The following NLN variants were observed in gnomAD, a reference collection of about 807,000 sequenced individuals.
The protein encoded by NLN is neurolysin, mitochondrial.
Under a neutral mutation model 79.9 loss-of-function variants are expected in NLN, and 64 were observed. That is an observed-to-expected ratio of 0.80 (90% CI 0.65 to 0.99). NLN has a LOEUF of 0.99. NLN is among the 50% of genes least tolerant of loss of function. The probability of loss-of-function intolerance (pLI) is 0.00; values close to 1 mark genes in which losing one functional copy is unlikely to be tolerated. For synonymous variants in NLN, 267 were observed against 296.6 expected (o/e 0.90, Z 1.02); for missense variants, 835 against 858.7 (o/e 0.97, Z 0.34).
rs1760840675 is a variant in NLN at position 65,823,271 on chromosome 5, C to G, written c.*356C>G. The G allele has an allele frequency of 6.1e-6, 1 of 164,358 alleles. No homozygotes were observed. The highest frequency in any genetic ancestry group is 6.1e-5 in the Admixed American group (1 of 16,428). 10.2% of individuals were successfully genotyped at this position (164,358 alleles called of 1,614,324 possible). On this transcript the variant is annotated 3_prime_UTR_variant, in exon 13 of 13. Coordinates refer to ENST00000380985, the MANE Select transcript of NLN (RefSeq NM_020726.5). ...ATCATATATATGATATAATTTGATC[C>G]TTCTTGTATCTTGAAGTTTTGTACT...
At chr5:65,773,186 CA>C (rs1486496603) in intron 3 of NLN, among the ~76,000 whole-genome samples, 1 of 136,216 alleles carries the variant, frequency 7.3e-6, no homozygotes, top group Non-Finnish European at 1.5e-5. Flanking sequence ...GGCTGGAGTG[CA>C]GTAGCTCAAT....
intron 9 of NLN, among the ~76,000 whole-genome samples, chr5:65,798,312 A>AC (rs1199318289): frequency 6.6e-6 from 1 of 152,208 alleles, no homozygotes; most frequent in African/African-American, 2.4e-5. Flanking sequence ...AATAGTCATG[A>AC]CCTAACTGCT....
chr5:65,726,107 G>A (rs1281107646), intron 1 of NLN, among the ~76,000 whole-genome samples: 8 of 103,790 alleles, frequency 7.7e-5, no homozygotes, highest in East Asian at 2.7e-4. Context: ...GCGAGACTCC[G>A]TCTCAAAAAA....
chr5:65,760,123 C>G (rs918809963), intron 2 of NLN, among the ~76,000 whole-genome samples: 3 of 152,168 alleles, frequency 2.0e-5, no homozygotes, highest in Admixed American at 6.5e-5. Flanking sequence ...CCCTAGTGAC[C>G]TGGTCATCTC....
intron 12 of NLN, among the ~76,000 whole-genome samples, 179 bp downstream of exon 12, chr5:65,812,570 TTAATTC>T (rs1479928358): frequency 6.6e-6 from 1 of 152,202 alleles, no homozygotes; most frequent in African/African-American, 2.4e-5. Context: ...ATACAAGTGA[TTAATTC>T]TATAGTTTAA....
At chr5:65,753,717 C>T (rs989122451) in intron 1 of NLN, among the ~76,000 whole-genome samples, 3 of 151,036 alleles carry the variant, frequency 2.0e-5, no homozygotes, top group African/African-American at 7.3e-5. Flanking sequence ...TTGGTTTATA[C>T]TAAGAGGAGT....
intron 1 of NLN, among the ~76,000 whole-genome samples, 183 bp from the exon 2 acceptor site, chr5:65,758,384 G>T (rs971379944): frequency 1.3e-5 from 2 of 152,118 alleles, no homozygotes; most frequent in Non-Finnish European, 2.9e-5. Flanking sequence ...ATGTAATTAT[G>T]CAAGAAAAAT....
chr5:65,780,240 A>G lies in NLN; in HGVS notation c.620A>G (p.Asn207Ser). 4 of 1,487,368 alleles carry G rather than the reference A, an allele frequency of 2.7e-6. No homozygotes were observed. The highest frequency in any genetic ancestry group is 3.7e-6 in the Non-Finnish European group (4 of 1,074,236). The allele number at this position is 1,487,368 out of a possible 1,614,324, so 92.1% of individuals were successfully genotyped here. The change falls in exon 5 of 13, where the codon AAT becomes AGT. Residue 207 changes from asparagine (N) to serine (S), a missense_variant. Coordinates refer to ENST00000380985, the MANE Select transcript of NLN (RefSeq NM_020726.5). The part of the protein sequence containing the change: ...ELCIDFNKNL[N>S]EDDTFLVFSK... Reference sequence around the variant, plus strand: ...TGTATTGATTTTAACAAAAACCTCAATGAGGATGATACCTTCCTTGTATTT... The same window carrying G: ...TGTATTGATTTTAACAAAAACCTCAGTGAGGATGATACCTTCCTTGTATTT...
rs538575891 is a variant in NLN, at chr5:65,801,977, A to T, written c.1528-7538A>T. On this transcript the variant is annotated intron_variant, in intron 9 of 12. Transcript: ENST00000380985. ...AAGTCTGTATTTTTGTCAGTATATC[A>T]TATGGTGGTGGCTGATGGTGTGATT... Among the ~76,000 whole-genome samples the T allele has an allele frequency of 7.2e-5, 11 of 152,342 alleles. No individual in the cohort carries two copies. The South Asian group carries it at 8.3e-4, about 11-fold the overall frequency.
chr5:65,806,881 T>G (rs1367159069), intron 9 of NLN, among the ~76,000 whole-genome samples: 1 of 152,140 alleles, frequency 6.6e-6, no homozygotes, highest in Non-Finnish European at 1.5e-5. Flanking sequence ...CTTTGTCTTA[T>G]TTTAAGAAAT....
intron 1 of NLN, among the ~76,000 whole-genome samples, chr5:65,744,992 A>T (rs1439860164): frequency 6.6e-6 from 1 of 152,204 alleles, no homozygotes; most frequent in Non-Finnish European, 1.5e-5. Context: ...ACTGTTTCCA[A>T]GTGATTTATT....
chr5:65,744,771 G>A (rs982534330), intron 1 of NLN, among the ~76,000 whole-genome samples: 3 of 152,000 alleles, frequency 2.0e-5, no homozygotes, highest in Non-Finnish European at 2.9e-5. Context: ...GCTACTCAAG[G>A]GGCCAAGGTG....
chr5:65,783,322 CTG>C (rs1759846687), intron 6 of NLN, among the ~76,000 whole-genome samples: 1 of 152,014 alleles, frequency 6.6e-6, no homozygotes, highest in African/African-American at 2.4e-5. Context: ...TGTCTTATAA[CTG>C]TAAGTCAAGA....
At chr5:65,785,687 C>A in intron 6 of NLN, 88 bp from the exon 7 acceptor site, 4 of 1,081,498 alleles carry the variant, frequency 3.7e-6, no homozygotes, top group South Asian at 1.7e-5. Flanking sequence ...TTTTACAAAC[C>A]TAAAAATACA....
At chr5:65,799,446 G>A (rs1445957118) in intron 9 of NLN, among the ~76,000 whole-genome samples, 1 of 152,170 alleles carries the variant, frequency 6.6e-6, no homozygotes, top group Non-Finnish European at 1.5e-5. Flanking sequence ...TCTTTGAGTT[G>A]TTTAAGTTTG....
At chr5:65,801,545 T>A (rs905818125) in intron 9 of NLN, among the ~76,000 whole-genome samples, 1 of 152,248 alleles carries the variant, frequency 6.6e-6, no homozygotes, top group African/African-American at 2.4e-5. Flanking sequence ...AATATTTAAA[T>A]GATGTTGCCC....
At position 65,722,403 on chromosome 5, in the gene NLN, A is replaced by G; in HGVS notation, c.30A>G (p.Arg10=). Residue 10 remains arginine (R), a synonymous_variant, in exon 1 of 13, where the codon CGA becomes CGG. Transcript: ENST00000380985. ...TCGCCCGGTGCCTTTTGGCTGTGCG[A>G]AGCCTCCGCAGGTACCTCCAGCGCG... is the stretch of plus-strand genomic sequence containing the variant. MIARCLLAV[R]SLRRVGGSRI... 1 of 1,590,786 alleles carries G rather than the reference A, an allele frequency of 6.3e-7. No individual in the cohort carries two copies. Among genetic ancestry groups the G allele is most frequent in the Non-Finnish European group, 8.5e-7 (1 of 1,170,038 alleles).
At chr5:65,771,294 A>G (rs1194154592) in intron 3 of NLN, among the ~76,000 whole-genome samples, 1 of 152,236 alleles carries the variant, frequency 6.6e-6, no homozygotes, top group Non-Finnish European at 1.5e-5. Context: ...CAATTCTGAC[A>G]AGGGCTTCTC....
chr5:65,819,756 C>G (rs1327534611), intron 12 of NLN, among the ~76,000 whole-genome samples: 3 of 152,142 alleles, frequency 2.0e-5, no homozygotes, highest in Non-Finnish European at 2.9e-5. Context: ...CAAAGACTCC[C>G]TCCACCTGTG....
Sources: gnomAD v4.1 joint callset for allele counts (sites outside exome capture counted in the v4.1 genomes callset) on GRCh38, gnomAD v4.1.1 for gene constraint, MANE v1.5 for transcripts, NCBI Gene and HGNC (gene_info 2026-07-23, HGNC 2026-07-21) for gene names.